CLASP1: variants seen among roughly 807,000 people sequenced by gnomAD.
CLASP1 encodes CLIP-associating protein 1.
CLASP1 carries 38 observed loss-of-function variants against 192.3 expected under a neutral mutation model. That is an observed-to-expected ratio of 0.20 (90% CI 0.15 to 0.26). The LOEUF (loss-of-function observed/expected upper bound fraction) is 0.26, where lower values mean the gene tolerates loss of function less well. Among genes scored for constraint, CLASP1 ranks in the 10% least tolerant of loss-of-function variants. The pLI is 1.00. For synonymous variants in CLASP1, 691 were observed against 712.8 expected (o/e 0.97, Z 0.49); for missense variants, 1,433 against 1,932.5 (o/e 0.74, Z 4.85).
chr2:121,411,365 C>A (rs936806584), intron 23 of CLASP1, among the ~76,000 whole-genome samples: 2 of 152,176 alleles, frequency 1.3e-5, no homozygotes, highest in African/African-American at 4.8e-5. Context: ...AGTTCTAATG[C>A]AATGTGTGGT....
intron 1 of CLASP1, among the ~76,000 whole-genome samples, chr2:121,638,101 TA>T (rs947359427): frequency 7.2e-5 from 11 of 151,740 alleles, no homozygotes; most frequent in African/African-American, 2.7e-4. Context: ...AAATCAATCA[TA>T]AAACTCAAAA....
intron 9 of CLASP1, among the ~76,000 whole-genome samples, chr2:121,462,979 T>C (rs1431908841): frequency 1.3e-5 from 2 of 152,184 alleles, no homozygotes; most frequent in Non-Finnish European, 2.9e-5. Flanking sequence ...TTGTTATTAC[T>C]GGGAATCCAG....
intron 2 of CLASP1, among the ~76,000 whole-genome samples, chr2:121,544,897 CTTTTCTTTTCTT>C (rs2095300776): frequency 2.7e-5 from 2 of 75,016 alleles, no homozygotes; most frequent in African/African-American, 5.6e-5. Context: ...TTTTTCTTTT[CTTTTCTTTTCTT>C]TTTTTTTTTT....
At chr2:121,482,084 G>C (rs1293160921) in intron 8 of CLASP1, among the ~76,000 whole-genome samples, 1 of 152,184 alleles carries the variant, frequency 6.6e-6, no homozygotes, top group Non-Finnish European at 1.5e-5. Context: ...AACATTAACT[G>C]AGAGTGTGAG....
chr2:121,572,971 T>G (rs2060119040), intron 2 of CLASP1, among the ~76,000 whole-genome samples: 1 of 152,176 alleles, frequency 6.6e-6, no homozygotes, highest in African/African-American at 2.4e-5. Context: ...AGTTTTGTTT[T>G]GTTTTTAAGA....
In CLASP1 at chr2:121,498,163, T is replaced by C. The variant is rs1212417413; in HGVS notation, c.712+5004A>G. ...GCATGAACCACCATGCCTGGCCTCT[T>C]TTCTTTCTTTTTACTGTGGTAAAAT... On this transcript the variant is annotated intron_variant, in intron 8 of 39. Coordinates refer to ENST00000263710, the Ensembl canonical transcript of CLASP1. 3.3e-5 allele frequency among the ~76,000 whole-genome samples: 5 copies of C among 152,112 alleles called. No individual in the cohort carries two copies. In the South Asian group the frequency reaches 6.2e-4, roughly 19 times the overall value.
chr2:121,492,257 C>T lies in CLASP1; in HGVS notation c.712+10910G>A, dbSNP rs975521853. Among the ~76,000 whole-genome samples the T allele has an allele frequency of 5.9e-5, 9 of 151,522 alleles. No individual in the cohort carries two copies. In the East Asian group the frequency reaches 9.7e-4, roughly 16 times the overall value. On this transcript the variant is annotated intron_variant, in intron 8 of 39. Transcript: ENST00000263710. ...ACAAAAAATTAGCCGGGCGTGGTGG[C>T]GGGCACCTGTAGTCCCAGCTACCCG...
chr2:121,421,838 C>T (rs751861684), intron 22 of CLASP1, among the ~76,000 whole-genome samples: 11 of 152,058 alleles, frequency 7.2e-5, no homozygotes, highest in East Asian at 1.9e-4. Context: ...CCACTGCACC[C>T]GGCCTAAAAT....
At chr2:121,382,640 G>A (rs1425406513) in intron 32 of CLASP1, among the ~76,000 whole-genome samples, 2 of 152,202 alleles carry the variant, frequency 1.3e-5, no homozygotes, top group Non-Finnish European at 2.9e-5. Context: ...GGGGCTGTGT[G>A]TATCTGCATG....
intron 1 of CLASP1, among the ~76,000 whole-genome samples, chr2:121,625,743 A>G (rs10186595): frequency 0.23 from 34,944 of 151,312 alleles, 6,022 homozygotes; most frequent in African/African-American, 0.48. Flanking sequence ...CTGCTTGAGA[A>G]ATTTTCTAAG....
chr2:121,589,401 G>A (rs571877588), intron 2 of CLASP1, among the ~76,000 whole-genome samples: 12 of 152,174 alleles, frequency 7.9e-5, no homozygotes, highest in East Asian at 3.9e-4. Context: ...AGGCCAAGGC[G>A]GGCAGACCAC....
chr2:121,478,764 A>C (rs944374559), intron 8 of CLASP1, among the ~76,000 whole-genome samples: 21 of 63,514 alleles, frequency 3.3e-4, no homozygotes, highest in Non-Finnish European at 5.4e-4. Flanking sequence ...CACACACACC[A>C]CACACCCCAC....
At chr2:121,589,630 CAAA>C (rs1280970890) in intron 2 of CLASP1, among the ~76,000 whole-genome samples, 1 of 64,300 alleles carries the variant, frequency 1.6e-5, no homozygotes. Context: ...AACTCTGTCT[CAAA>C]AAAAAAAAAA....
At chr2:121,449,048 G>A (rs1192539879) in exon 17 of CLASP1, 2 of 1,613,844 alleles carry the variant, frequency 1.2e-6, no homozygotes, top group Non-Finnish European at 8.5e-7. Context: ...GGGCTTTCTG[G>A]TAGGAGGACT....
chr2:121,577,850 G>A (rs187685685), intron 2 of CLASP1, among the ~76,000 whole-genome samples: 39 of 152,262 alleles, frequency 2.6e-4, no homozygotes, highest in Non-Finnish European at 4.4e-4. Context: ...CAAGACAGGA[G>A]AAGTGCTTGA....
intron 19 of CLASP1, among the ~76,000 whole-genome samples, chr2:121,434,366 C>T (rs2081960752): frequency 1.3e-5 from 2 of 152,068 alleles, no homozygotes; most frequent in African/African-American, 4.8e-5. Flanking sequence ...AGCTATCCTC[C>T]CACCTTAGCC....
intron 19 of CLASP1, among the ~76,000 whole-genome samples, chr2:121,443,595 C>T (rs971695635): frequency 2.0e-5 from 3 of 152,188 alleles, no homozygotes; most frequent in East Asian, 1.9e-4. Context: ...TCAGACATGA[C>T]GTCCTCATCA....
intron 8 of CLASP1, among the ~76,000 whole-genome samples, chr2:121,485,638 C>T (rs187214554): frequency 3.5e-4 from 53 of 152,012 alleles, no homozygotes; most frequent in Middle Eastern, 6.8e-3. Flanking sequence ...TCAAGGCGGG[C>T]GGATCACTTG....
chr2:121,453,494 G>T (rs972961031), intron 14 of CLASP1, among the ~76,000 whole-genome samples: 1 of 152,130 alleles, frequency 6.6e-6, no homozygotes, highest in Non-Finnish European at 1.5e-5. Flanking sequence ...CAGAGTGGTA[G>T]AGCAAGCCTT....
Sources: allele counts gnomAD v4.1 joint callset (sites outside exome capture counted in the v4.1 genomes callset), GRCh38; gene constraint gnomAD v4.1.1; transcripts MANE v1.5; gene names NCBI Gene and HGNC (gene_info 2026-07-23, HGNC 2026-07-21).